The following CNIH3 variants were observed in gnomAD, a reference collection of about 807,000 sequenced individuals.
CNIH3 encodes cornichon family AMPA receptor auxiliary protein 3, also known as protein cornichon homolog 3.
Under a neutral mutation model 24.1 loss-of-function variants are expected in CNIH3, and 14 were observed. The ratio of observed to expected loss-of-function variants is 0.58; its 90% CI spans 0.38 to 0.91. The LOEUF (loss-of-function observed/expected upper bound fraction) is 0.91. CNIH3 is among the 40% of genes least tolerant of loss of function. The pLI is 0.00. For synonymous variants in CNIH3, 68 were observed against 73.8 expected (o/e 0.92, Z 0.40); for missense variants, 178 against 196.8 (o/e 0.90, Z 0.57).
At chr1:224,454,551 C>T (rs528344313) in intron 1 of CNIH3, among the ~76,000 whole-genome samples, 1 of 152,254 alleles carries the variant, frequency 6.6e-6, no homozygotes, top group East Asian at 1.9e-4. Flanking sequence ...GTCACTGCCT[C>T]AGAAGCTGCG....
Position 224,547,636 on chromosome 1 carries a change from T to C in CNIH3, n.450+697T>C, listed in dbSNP as rs535152722. Among the ~76,000 whole-genome samples, 278 of 152,046 alleles carry C rather than the reference T, an allele frequency of 1.8e-3. 3 individuals carry two copies. The highest frequency in any genetic ancestry group is 6.1e-3 in the African/African-American group (253 of 41,458). On this transcript the variant is annotated intron_variant and non_coding_transcript_variant, in intron 3 of 5. Coordinates refer to the CNIH3 transcript ENST00000471578. ...AGTGCGTGTACACCCCGTGATATTA[T>C]TTGTAATATCTAAGCGAGGTATTAC... is the stretch of plus-strand genomic sequence containing the variant.
intron 1 of CNIH3, among the ~76,000 whole-genome samples, chr1:224,626,003 G>C (rs1683508443): frequency 1.3e-5 from 2 of 152,110 alleles, no homozygotes; most frequent in African/African-American, 4.8e-5. Context: ...ACTAGGTGTA[G>C]ATAGTCCCCT....
intron 1 of CNIH3, among the ~76,000 whole-genome samples, chr1:224,652,018 A>T (rs1474883644): frequency 6.6e-6 from 1 of 152,166 alleles, no homozygotes; most frequent in African/African-American, 2.4e-5. Flanking sequence ...GTGTAAAATG[A>T]TACCTCCTTG....
chr1:224,552,004 C>T (rs1679942639), intron 3 of CNIH3, among the ~76,000 whole-genome samples: 1 of 151,458 alleles, frequency 6.6e-6, no homozygotes, highest in African/African-American at 2.4e-5. Flanking sequence ...GGTTGTACTC[C>T]CTCTGTGTAC....
At chr1:224,698,566 A>G (rs1173819111) in intron 3 of CNIH3, among the ~76,000 whole-genome samples, 1 of 152,224 alleles carries the variant, frequency 6.6e-6, no homozygotes, top group Non-Finnish European at 1.5e-5. Flanking sequence ...TGCATGAGCT[A>G]GACTTTAATA....
intron 5 of CNIH3, 111 bp from the exon 6 acceptor site, chr1:224,739,218 G>A: frequency 6.6e-7 from 1 of 1,507,002 alleles, no homozygotes; most frequent in South Asian, 1.3e-5. Flanking sequence ...GAGAAGCCAA[G>A]GGGTCTGGCC....
At chr1:224,719,623 T>C (rs1351277703) in intron 3 of CNIH3, among the ~76,000 whole-genome samples, 3 of 152,230 alleles carry the variant, frequency 2.0e-5, no homozygotes, top group Non-Finnish European at 4.4e-5. Context: ...CATTTAATAC[T>C]CATAACAGTC....
intron 1 of CNIH3, among the ~76,000 whole-genome samples, chr1:224,653,899 T>C (rs1684977943): frequency 6.6e-6 from 1 of 151,792 alleles, no homozygotes; most frequent in Admixed American, 6.6e-5. Flanking sequence ...GGCAATATGG[T>C]GAAACCCTGT....
chr1:224,605,244 G>A (rs9659736), intron 3 of CNIH3, among the ~76,000 whole-genome samples: 3,985 of 152,258 alleles, frequency 0.026, 176 homozygotes, highest in African/African-American at 0.091. Context: ...TGGCTTGGAG[G>A]TGGGGTTTCA....
intron 4 of CNIH3, among the ~76,000 whole-genome samples, chr1:224,566,941 C>G (rs1378777234): frequency 1.3e-5 from 2 of 152,164 alleles, no homozygotes; most frequent in African/African-American, 4.8e-5. Flanking sequence ...GAGGAATCGC[C>G]ACACTGTCTT....
At chr1:224,629,396 A>G (rs1207917082) in intron 1 of CNIH3, among the ~76,000 whole-genome samples, 1 of 152,132 alleles carries the variant, frequency 6.6e-6, no homozygotes, top group African/African-American at 2.4e-5. Flanking sequence ...CCTTGGGCAC[A>G]TGTTCTCAGG....
intron 1 of CNIH3, among the ~76,000 whole-genome samples, chr1:224,497,487 T>C (rs773715800): frequency 1.3e-5 from 2 of 152,248 alleles, no homozygotes; most frequent in Non-Finnish European, 2.9e-5. Context: ...GAAATTTACT[T>C]GTGGCATCAT....
Position 224,439,181 on chromosome 1 carries a change from T to G in CNIH3, n.203+4319T>G, listed in dbSNP as rs987226096. 2.8e-4 allele frequency among the ~76,000 whole-genome samples: 43 copies of G among 152,288 alleles called. 1 individual carries two copies. The highest frequency in any genetic ancestry group is 6.2e-4 in the South Asian group (3 of 4,830). On this transcript the variant is annotated intron_variant and non_coding_transcript_variant, in intron 1 of 5. Coordinates refer to the CNIH3 transcript ENST00000471578. ...ATGTCTCTCCAGCGCTTGCTTATTTTCCCCTTCTGCAAACATTCCATTCAT... is the reference window on the plus strand; with the variant it reads ...ATGTCTCTCCAGCGCTTGCTTATTTGCCCCTTCTGCAAACATTCCATTCAT...
chr1:224,635,142 A>G (rs976779022), intron 1 of CNIH3, among the ~76,000 whole-genome samples: 3 of 151,790 alleles, frequency 2.0e-5, no homozygotes, highest in East Asian at 1.9e-4. Context: ...GACATCTTAC[A>G]TGGTGGTAGG....
chr1:224,652,900 G>T (rs1181619001), intron 1 of CNIH3, among the ~76,000 whole-genome samples: 1 of 152,188 alleles, frequency 6.6e-6, no homozygotes, highest in African/African-American at 2.4e-5. Flanking sequence ...AGCAGCTCTA[G>T]CTGCACAGGT....
intron 1 of CNIH3, among the ~76,000 whole-genome samples, chr1:224,649,344 T>C (rs2125102696): frequency 6.6e-6 from 1 of 152,300 alleles, no homozygotes; most frequent in East Asian, 1.9e-4. Flanking sequence ...GCTTCTGCCC[T>C]AGGGCTTCCA....
At chr1:224,446,743 A>C (rs1192630790) in intron 1 of CNIH3, among the ~76,000 whole-genome samples, 1 of 152,212 alleles carries the variant, frequency 6.6e-6, no homozygotes, top group Non-Finnish European at 1.5e-5. Context: ...TTATTTTTAA[A>C]GAATCAGATT....
At chr1:224,634,570 C>T (rs1245378108) in intron 1 of CNIH3, among the ~76,000 whole-genome samples, 1 of 134,658 alleles carries the variant, frequency 7.4e-6, no homozygotes, top group Non-Finnish European at 1.5e-5. Context: ...GAGACTCTGT[C>T]TCCAAAAAAA....
intron 1 of CNIH3, among the ~76,000 whole-genome samples, chr1:224,470,464 G>A (rs374975526): frequency 5.9e-5 from 9 of 151,978 alleles, no homozygotes; most frequent in African/African-American, 1.9e-4. Context: ...ACAGGTGTGT[G>A]CCACCAGGCC....
Sources: allele counts gnomAD v4.1 joint callset (sites outside exome capture counted in the v4.1 genomes callset), GRCh38; gene constraint gnomAD v4.1.1; transcripts MANE v1.5; gene names NCBI Gene and HGNC (gene_info 2026-07-23, HGNC 2026-07-21).